Variants in TJP2 observed in about 807,000 individuals in gnomAD.
The protein encoded by TJP2 is Friedreich ataxia region gene X104 (tight junction protein ZO-2).
A neutral mutation model predicts 133.1 loss-of-function variants in TJP2; 91 were observed. The ratio of observed to expected loss-of-function variants is 0.68; its 90% CI spans 0.58 to 0.81. TJP2 has a LOEUF of 0.81. Ranked by LOEUF, TJP2 falls within the 40% of genes least tolerant of loss-of-function variation. TJP2 has a pLI of 0.00. For synonymous variants in TJP2, 592 were observed against 583.4 expected, an observed-to-expected ratio of 1.01 and a Z score of -0.21; for missense variants, 1,541 against 1,565.6, an observed-to-expected ratio of 0.98 and a Z score of 0.26.
At position 69,237,086 on chromosome 9, in the gene TJP2, T is replaced by C. The variant is rs150440380; in HGVS notation, c.2129T>C (p.Val710Ala). 2.2e-5 allele frequency: 35 copies of C among 1,614,164 alleles called. No homozygotes were observed. The African/African-American group carries it at 4.5e-4, about 21-fold the overall frequency. Residue 710 changes from valine (V) to alanine (A), a missense_variant, in exon 14 of 23, where the codon GTG becomes GCG. By Grantham distance (64) the Val-to-Ala change is moderately conservative. Coordinates refer to ENST00000377245, the MANE Select transcript of TJP2 (RefSeq NM_004817.4). ...RKSREDLTAVVSVSTKFPAYE... is the reference protein window; with the variant it reads ...RKSREDLTAVASVSTKFPAYE... ...AGTCGGGAAGACCTCACAGCTGTTG[T>C]GTCTGTCAGCACCAAGTTCCCAGCT...
rs192518770 is a variant in TJP2 at position 69,162,314 on chromosome 9, C to G, written c.-10+10543C>G. 3.7e-4 allele frequency among the ~76,000 whole-genome samples: 56 copies of G among 151,744 alleles called. No homozygotes were observed. The East Asian group carries it at 0.01, about 28-fold the overall frequency. On this transcript the variant is annotated intron_variant, in intron 2 of 5. Coordinates refer to the TJP2 transcript ENST00000423935. ...TCTTTGTATGTATAAGTAAAACTCTCATTTGTTTCATTCTTTTAATCTATA... is the reference window on the plus strand; with the variant it reads ...TCTTTGTATGTATAAGTAAAACTCTGATTTGTTTCATTCTTTTAATCTATA...
chr9:69,173,470 C>CT (rs1299271065), upstream of TJP2, among the ~76,000 whole-genome samples: 1 of 152,168 alleles, frequency 6.6e-6, no homozygotes, highest in African/African-American at 2.4e-5. Flanking sequence ...TACTGGCAAC[C>CT]TTTTATAAGC....
rs200718864 is a variant in TJP2 at position 69,206,578 on chromosome 9, A to T, written c.61-5970A>T. Among the ~76,000 whole-genome samples, 21 of 92,082 alleles carry T rather than the reference A, an allele frequency of 2.3e-4. 1 individual carries two copies. Among genetic ancestry groups the T allele is most frequent in the Non-Finnish European group, 9.9e-5 (4 of 40,486 alleles). 60.4% of individuals were successfully genotyped at this position (92,082 alleles called of 152,430 possible). A position where few individuals can be genotyped will look rare whatever the true frequency, so the allele number is the denominator to read the frequency against. On this transcript the variant is annotated intron_variant, in intron 1 of 22. Coordinates refer to ENST00000377245, the MANE Select transcript of TJP2 (RefSeq NM_004817.4). ...TTTTATTTATTTATTTATTTATTTA[A>T]TTTTTTTATTTCTTTTTGAGACGGA... is the stretch of plus-strand genomic sequence containing the variant.
intron 15 of TJP2, 112 bp from the exon 16 acceptor site, chr9:69,238,598 G>T: frequency 1.2e-6 from 1 of 848,268 alleles, no homozygotes. Flanking sequence ...ACTGAATCTT[G>T]TTAGGAGACA....
chr9:69,210,884 G>A (rs1225420612), intron 1 of TJP2, among the ~76,000 whole-genome samples: 2 of 151,688 alleles, frequency 1.3e-5, no homozygotes, highest in Non-Finnish European at 2.9e-5. Context: ...GTGCCACCAT[G>A]CCTGGCTAAC....
At chr9:69,207,216 G>C (rs184071554) in intron 1 of TJP2, among the ~76,000 whole-genome samples, 1 of 152,120 alleles carries the variant, frequency 6.6e-6, no homozygotes, top group South Asian at 2.1e-4. Context: ...TTTACTGTCT[G>C]TACCATTTGT....
At chr9:69,133,366 G>A (rs375953123) in intron 1 of TJP2, among the ~76,000 whole-genome samples, 2 of 152,028 alleles carry the variant, frequency 1.3e-5, no homozygotes, top group African/African-American at 4.8e-5. Context: ...GCTTAGCGAC[G>A]CCTAGCCAAG....
chr9:69,181,733 G>A (rs1825525635), intron 1 of TJP2, among the ~76,000 whole-genome samples: 1 of 151,910 alleles, frequency 6.6e-6, no homozygotes, highest in South Asian at 2.1e-4. Flanking sequence ...GTGTTTGCTT[G>A]CTTGCTTTCT....
In TJP2 at chr9:69,226,263, G is replaced by A. The variant is rs1829342655; in HGVS notation, c.1210+88G>A. The A allele has an allele frequency of 6.1e-6, 9 of 1,480,396 alleles. No homozygotes were observed. The South Asian group carries it at 7.2e-5, about 12-fold the overall frequency. The allele number at this position is 1,480,396 out of a possible 1,614,324, so 91.7% of individuals were successfully genotyped here. A position where few individuals can be genotyped will look rare whatever the true frequency, so the allele number is the denominator to read the frequency against. On this transcript the variant is annotated intron_variant, in intron 7 of 22. Coordinates refer to ENST00000377245, the MANE Select transcript of TJP2 (RefSeq NM_004817.4). The stretch of plus-strand genomic sequence containing the variant: ...TCTATTTAGTGTAGCTATCCAGCTG[G>A]AAGTTAAATTTCTAAGGAAAGACCC...
At chr9:69,156,965 A>T (rs922167908) in intron 2 of TJP2, among the ~76,000 whole-genome samples, 1 of 152,162 alleles carries the variant, frequency 6.6e-6, no homozygotes, top group African/African-American at 2.4e-5. Context: ...AAAGCCTCCA[A>T]GTAACAGGCT....
In TJP2 at chr9:69,236,040, T is replaced by G. The variant is rs745383248; in HGVS notation, c.1793T>G (p.Ile598Ser). ...TTTTGTCTTTCAGTGTATAGAGACATCCTGGCTTGTGGCAGAGGGGATTCG... is the reference window on the plus strand; with the variant it reads ...TTTTGTCTTTCAGTGTATAGAGACAGCCTGGCTTGTGGCAGAGGGGATTCG... ...AQSRADVYRD[I>S]LACGRGDSFF... is the part of the protein sequence containing the mutation. The change falls in exon 13 of 23, where the codon ATC (isoleucine) becomes AGC (serine). Residue 598 changes from isoleucine to serine, a missense_variant. Coordinates refer to ENST00000377245, the MANE Select transcript of TJP2 (RefSeq NM_004817.4). The G allele has an allele frequency of 6.2e-7, 1 of 1,614,178 alleles. No homozygotes were observed. Among genetic ancestry groups the G allele is most frequent in the South Asian group, 1.1e-5 (1 of 91,078 alleles).
At position 69,230,120 on chromosome 9, in the gene TJP2, G is replaced by A; in HGVS notation, c.1559G>A (p.Ser520Asn). The change falls in exon 11 of 23, where the codon AGC becomes AAC. Residue 520 changes from serine (S) to asparagine (N), a missense_variant. Coordinates refer to ENST00000377245, the MANE Select transcript of TJP2 (RefSeq NM_004817.4). ...TKMVRFKKGD[S>N]VGLRLAGGND... ...ATGGTAAGGTTCAAGAAGGGAGACA[G>A]CGTGGGCCTCCGGTTGGCTGGTGGC... 6.2e-7 allele frequency: 1 copy of A among 1,614,186 alleles called. No individual in the cohort carries two copies. The highest frequency in any genetic ancestry group is 8.5e-7 in the Non-Finnish European group (1 of 1,180,034).
chr9:69,175,874 A>T (rs972289969), intron 1 of TJP2, among the ~76,000 whole-genome samples: 6 of 152,162 alleles, frequency 3.9e-5, no homozygotes, highest in Admixed American at 2.0e-4. Context: ...CAGATTGATG[A>T]AGGGGAACTT....
At chr9:69,237,596 G>GCTTGAGGTAGGAGGATC (rs1563947333) in intron 14 of TJP2, among the ~76,000 whole-genome samples, 2 of 151,842 alleles carry the variant, frequency 1.3e-5, no homozygotes, top group African/African-American at 4.8e-5. Context: ...CTACTCAGGA[G>GCTTGAGGTAGGAGGATC]GCTTGAGCCT....
chr9:69,164,554 G>A (rs1824248865), intron 2 of TJP2, among the ~76,000 whole-genome samples: 1 of 152,230 alleles, frequency 6.6e-6, no homozygotes, highest in Non-Finnish European at 1.5e-5. Context: ...TCTCGTTGGA[G>A]TCAAATCGCA....
In TJP2 at chr9:69,236,203, C is replaced by A. The variant is rs1385965514; in HGVS notation, c.1956C>A (p.Asn652Lys). Residue 652 changes from asparagine to lysine, a missense_variant, in exon 13 of 23, where the codon AAC becomes AAA. Transcript: ENST00000377245. ...ACTGGCTGGCTGTGAGGATTGGGAA[C>A]GAGTTGGAGAAAGGCTTAATCCCCA... ...LGNWLAVRIGNELEKGLIPNK... is the reference protein window; with the variant it reads ...LGNWLAVRIGKELEKGLIPNK... The A allele has an allele frequency of 1.9e-6, 3 of 1,613,878 alleles. No individual in the cohort carries two copies. The highest frequency in any genetic ancestry group is 8.5e-7 in the Non-Finnish European group (1 of 1,179,952).
At chr9:69,140,169 C>T (rs981400484) in intron 1 of TJP2, among the ~76,000 whole-genome samples, 2 of 152,060 alleles carry the variant, frequency 1.3e-5, no homozygotes, top group Admixed American at 1.3e-4. Flanking sequence ...GGGGATTCAA[C>T]GAAAGAAAGC....
intron 4 of TJP2, 25 bp from the exon 5 acceptor site, chr9:69,220,857 GCGTCC>G: frequency 6.2e-7 from 1 of 1,605,754 alleles, no homozygotes; most frequent in Non-Finnish European, 8.5e-7. Flanking sequence ...TGATTGTCCT[GCGTCC>G]ACACTGAGTT....
At chr9:69,224,174 C>A (rs1447159484) in intron 5 of TJP2, among the ~76,000 whole-genome samples, 3 of 152,146 alleles carry the variant, frequency 2.0e-5, no homozygotes, top group African/African-American at 7.2e-5. Flanking sequence ...CAAAGCTATG[C>A]TGGTTTTAGT....
Sources: gnomAD v4.1 joint callset for allele counts (sites outside exome capture counted in the v4.1 genomes callset) on GRCh38, gnomAD v4.1.1 for gene constraint, MANE v1.5 for transcripts, NCBI Gene and HGNC (gene_info 2026-07-23, HGNC 2026-07-21) for gene names.